USP8: variants seen among roughly 807,000 people sequenced by gnomAD.
The protein encoded by USP8 is ubiquitin specific peptidase 8.
Under a neutral mutation model 130.0 loss-of-function variants are expected in USP8, and 27 were observed. That is an observed-to-expected ratio of 0.21 (90% CI 0.15 to 0.29). The LOEUF is 0.29. USP8 is among the 10% of genes least tolerant of loss of function. The pLI, the probability that USP8 is intolerant of heterozygous loss-of-function variation, is 1.00. For synonymous variants in USP8, 392 were observed against 444.1 expected, an observed-to-expected ratio of 0.88 and a Z score of 1.48; for missense variants, 1,029 against 1,312.2, an observed-to-expected ratio of 0.78 and a Z score of 3.33.
chr15:50,458,715 C>T (rs1290955277), intron 4 of USP8: 1 of 250,276 alleles, frequency 4.0e-6, no homozygotes, highest in Non-Finnish European at 7.7e-6. Context: ...CAAATTGCAG[C>T]AGATTTGAAT....
At chr15:50,427,144 G>T (rs915114320) in intron 1 of USP8, among the ~76,000 whole-genome samples, 2 of 151,884 alleles carry the variant, frequency 1.3e-5, no homozygotes, top group Admixed American at 1.3e-4. Context: ...TCACCATGTT[G>T]GCCAGGATGA....
intron 7 of USP8, chr15:50,466,594 CAAAA>C (rs559413706): frequency 1.2e-4 from 9 of 76,602 alleles, no homozygotes; most frequent in South Asian, 8.3e-4. Flanking sequence ...GACTCTGTCT[CAAAA>C]AAAAAAAAAA....
At chr15:50,456,175 AT>A (rs1267147490) in intron 4 of USP8, among the ~76,000 whole-genome samples, 1 of 152,194 alleles carries the variant, frequency 6.6e-6, no homozygotes, top group Non-Finnish European at 1.5e-5. Context: ...AAAGGATAGC[AT>A]TTTTAAAGTA....
At chr15:50,428,945 T>G (rs1210636061) in intron 1 of USP8, among the ~76,000 whole-genome samples, 2 of 152,234 alleles carry the variant, frequency 1.3e-5, no homozygotes, top group African/African-American at 4.8e-5. Flanking sequence ...ATAGTCAGTC[T>G]GGTAACTGAG....
intron 4 of USP8, among the ~76,000 whole-genome samples, chr15:50,457,903 G>C (rs1280134015): frequency 6.7e-6 from 1 of 150,204 alleles, no homozygotes; most frequent in Non-Finnish European, 1.5e-5. Flanking sequence ...GAAAAAAAGA[G>C]CATATAAAAT....
chr15:50,461,670 T>C (rs2141281174), intron 5 of USP8, among the ~76,000 whole-genome samples: 1 of 151,714 alleles, frequency 6.6e-6, no homozygotes, highest in East Asian at 1.9e-4. Flanking sequence ...CTGGCCAACA[T>C]AGCAAAACCC....
rs11854087 is a variant in USP8 at position 50,505,794 on chromosome 15, A to C, written c.*6706A>C. 0.026 allele frequency: 3,911 copies of C among 147,900 alleles called. 81 individuals are homozygous for C. Among genetic ancestry groups the C allele is most frequent in the East Asian group, 0.09 (466 of 5,160 alleles). The allele number at this position is 147,900 out of a possible 1,614,324, so 9.2% of individuals were successfully genotyped here. A position where few individuals can be genotyped will look rare whatever the true frequency, so the allele number is the denominator to read the frequency against. Reference sequence around the variant, plus strand: ...GGCAACATAGTGAGACCTGGTCTCTAAAAAAAATAAAAAAGTTGGCCATGC... The same window carrying C: ...GGCAACATAGTGAGACCTGGTCTCTCAAAAAAATAAAAAAGTTGGCCATGC... On this transcript the variant is annotated 3_prime_UTR_variant, in exon 20 of 20. Coordinates refer to ENST00000307179, the MANE Select transcript of USP8 (RefSeq NM_005154.5).
chr15:50,492,683 A>T lies in USP8; in HGVS notation c.2235-18A>T. On this transcript the variant is annotated intron_variant, in intron 14 of 19. Coordinates refer to ENST00000307179, the MANE Select transcript of USP8 (RefSeq NM_005154.5). ...TGCTCAGCATTTTAAGACATCTTGT[A>T]TCCTTTTTCTTCCTCAGGCCAACAT... 6.2e-7 allele frequency: 1 copy of T among 1,609,308 alleles called. No homozygotes were observed. The highest frequency in any genetic ancestry group is 2.2e-5 in the East Asian group (1 of 44,862).
rs903632841 is a variant in USP8 at position 50,480,633 on chromosome 15, AT to A, written c.1219-838del. Among the ~76,000 whole-genome samples the A allele has an allele frequency of 1.3e-4, 19 of 149,930 alleles. No individual in the cohort carries two copies. In the East Asian group the frequency reaches 1.8e-3, roughly 14 times the overall value. ...GGAAGGAGCATGGCATCTTGGAATAATTTTTTTTTTAAGGCAAGTATAGCTG... is the reference window on the plus strand; with the variant it reads ...GGAAGGAGCATGGCATCTTGGAATAATTTTTTTTTAAGGCAAGTATAGCTG... On this transcript the variant is annotated intron_variant, in intron 10 of 19. Coordinates refer to ENST00000307179, the MANE Select transcript of USP8 (RefSeq NM_005154.5).
intron 3 of USP8, among the ~76,000 whole-genome samples, chr15:50,445,766 C>T (rs1471500420): frequency 1.4e-5 from 2 of 141,652 alleles, no homozygotes; most frequent in Non-Finnish European, 3.1e-5. Flanking sequence ...CCGAGGCAGG[C>T]GAATTGCTTG....
rs1167453354 is a variant in USP8, at chr15:50,506,348, CTA to C, written c.*7262_*7263del. ...TTAGATTCTCACAGCAGCACAAACT[CTA>C]TTGTGAACTGCGCATGTGAGGGATC... On this transcript the variant is annotated 3_prime_UTR_variant, in exon 20 of 20. Transcript: ENST00000307179. The C allele has an allele frequency of 6.6e-6, 1 of 152,190 alleles. No individual in the cohort carries two copies. The highest frequency in any genetic ancestry group is 1.5e-5 in the Non-Finnish European group (1 of 68,068). The allele number at this position is 152,190 out of a possible 1,614,324, so 9.4% of individuals were successfully genotyped here.
intron 2 of USP8, 119 bp downstream of exon 2, chr15:50,439,296 G>A (rs2141253961): frequency 1.6e-6 from 1 of 631,646 alleles, no homozygotes; most frequent in Non-Finnish European, 2.6e-6. Context: ...CACGAATAAA[G>A]TAGGACCTCC....
chr15:50,483,156 AC>A (rs1466747534), intron 11 of USP8, among the ~76,000 whole-genome samples: 2 of 152,196 alleles, frequency 1.3e-5, no homozygotes, highest in African/African-American at 4.8e-5. Flanking sequence ...CCTAATGATA[AC>A]CCCATAAGGT....
In USP8 at chr15:50,477,540, A is replaced by G. The variant is rs758992987; in HGVS notation, c.1218+41A>G. On this transcript the variant is annotated intron_variant, in intron 10 of 19. Transcript: ENST00000307179. ...TAACATTATTCTCGCTTTTGTTTTA[A>G]TATTAAATATATAGTATAGCTGGGC... is the stretch of plus-strand genomic sequence containing the variant. The G allele has an allele frequency of 3.7e-5, 57 of 1,544,522 alleles. No homozygotes were observed. The South Asian group carries it at 6.6e-4, about 18-fold the overall frequency.
chr15:50,439,942 A>T (rs1465728056), intron 2 of USP8, among the ~76,000 whole-genome samples: 1 of 152,074 alleles, frequency 6.6e-6, no homozygotes, highest in Non-Finnish European at 1.5e-5. Flanking sequence ...ACAAAAATTA[A>T]CTTGGCATGG....
chr15:50,498,362 A>G, intron 18 of USP8: 1 of 440,416 alleles, frequency 2.3e-6, no homozygotes, highest in Non-Finnish European at 3.9e-6. Flanking sequence ...TACCTCTACC[A>G]TTCTGGCTGT....
Position 50,475,064 on chromosome 15 carries a change from G to A in USP8, c.850-1785G>A, listed in dbSNP as rs549708031. Among the ~76,000 whole-genome samples, 15 of 152,168 alleles carry A rather than the reference G, an allele frequency of 9.9e-5. No homozygotes were observed. In the South Asian group the frequency reaches 2.9e-3, roughly 29 times the overall value. On this transcript the variant is annotated intron_variant, in intron 8 of 19. Coordinates refer to ENST00000307179, the MANE Select transcript of USP8 (RefSeq NM_005154.5). ...GCAGAGGTTGCAATGAGCCGAGATC[G>A]CACCACTTCACTCCAGCCTGGGCAA...
In USP8 at chr15:50,459,178, T is replaced by C; in HGVS notation, c.498+16T>C. The C allele has an allele frequency of 6.3e-7, 1 of 1,596,516 alleles. No homozygotes were observed. The highest frequency in any genetic ancestry group is 8.5e-7 in the Non-Finnish European group (1 of 1,174,280). On this transcript the variant is annotated intron_variant, in intron 5 of 19. Coordinates refer to ENST00000307179, the MANE Select transcript of USP8 (RefSeq NM_005154.5). ...AACCCAAAAGGTATTTCAAATTTAA[T>C]GTGTGAGTTAAAAGACTGTTTCTGC...
In USP8 at chr15:50,512,870, T is replaced by C. The variant is rs971585907; in HGVS notation, c.*13782T>C. 2.0e-5 allele frequency: 3 copies of C among 152,144 alleles called. No individual in the cohort carries two copies. The highest frequency in any genetic ancestry group is 4.4e-5 in the Non-Finnish European group (3 of 68,038). 9.4% of individuals were successfully genotyped at this position (152,144 alleles called of 1,614,324 possible). A position where few individuals can be genotyped will look rare whatever the true frequency, so the allele number is the denominator to read the frequency against. On this transcript the variant is annotated 3_prime_UTR_variant, in exon 20 of 20. Transcript: ENST00000307179. ...AATTCTGTGGTATGTGAACTATCTC[T>C]AAGAACTTCTTTTTATTTAAGTTGG...
Sources: gnomAD v4.1 joint callset for allele counts (sites outside exome capture counted in the v4.1 genomes callset) on GRCh38, gnomAD v4.1.1 for gene constraint, MANE v1.5 for transcripts, NCBI Gene and HGNC (gene_info 2026-07-23, HGNC 2026-07-21) for gene names.